The following SIGLEC15 variants were observed in gnomAD, a reference collection of about 807,000 sequenced individuals.
SIGLEC15 encodes the protein sialic acid-binding Ig-like lectin 15.
A neutral mutation model predicts 26.2 loss-of-function variants in SIGLEC15; 31 were observed. The ratio of observed to expected loss-of-function variants is 1.18; its 90% CI spans 0.89 to 1.60. The LOEUF is 1.60. Ranked by LOEUF, SIGLEC15 falls within the 40% of genes most tolerant of loss-of-function variation. The probability of loss-of-function intolerance (pLI) is 0.00; values close to 1 mark genes in which losing one functional copy is unlikely to be tolerated. For missense variants in SIGLEC15, 501 were observed against 488.4 expected, an observed-to-expected ratio of 1.03 and a Z score of -0.24; for synonymous variants, 207 against 221.9, an observed-to-expected ratio of 0.93 and a Z score of 0.60.
At chr18:45,839,244 GC>G in intron 4 of SIGLEC15, 149 bp downstream of exon 4, 2 of 1,172,130 alleles carry the variant, frequency 1.7e-6, no homozygotes, top group Non-Finnish European at 2.2e-6. Context: ...TTTGCATGAA[GC>G]CCAGCAGGTG....
intron 1 of SIGLEC15, among the ~76,000 whole-genome samples, chr18:45,836,618 G>T (rs1007221370): frequency 2.0e-5 from 3 of 152,206 alleles, no homozygotes; most frequent in African/African-American, 4.8e-5. Context: ...ACAAGGTGGG[G>T]AATGGGGAAA....
chr18:45,836,995 C>T, intron 1 of SIGLEC15, 34 bp from the exon 2 acceptor site: 1 of 1,084,366 alleles, frequency 9.2e-7, no homozygotes, highest in Non-Finnish European at 1.4e-6. Context: ...AGTTTATTCA[C>T]GTGTAACCCG....
chr18:45,825,904 G>A (rs1341167178), intron 1 of SIGLEC15, 124 bp downstream of exon 1: 2 of 1,135,952 alleles, frequency 1.8e-6, no homozygotes, highest in Non-Finnish European at 2.6e-6. Flanking sequence ...TGTGGAGGAG[G>A]AAGAGCTGCG....
chr18:45,842,442 T>TGTGTGAGAGAGAGA lies in SIGLEC15; in HGVS notation c.*256_*257insTGTGAGAGAGAGAG, dbSNP rs372465193. 2 of 308,678 alleles carry TGTGTGAGAGAGAGA rather than the reference T, an allele frequency of 6.5e-6. No homozygotes were observed. Among genetic ancestry groups the TGTGTGAGAGAGAGA allele is most frequent in the African/African-American group, 4.3e-5 (2 of 46,072 alleles). 19.1% of individuals were successfully genotyped at this position (308,678 alleles called of 1,614,324 possible). A position where few individuals can be genotyped will look rare whatever the true frequency, so the allele number is the denominator to read the frequency against. ...ATACGTCTGTGTGTGTGTGTGTGTG[T>TGTGTGAGAGAGAGA]GAGAGAGAGAGAGAGAGAGTACACG... On this transcript the variant is annotated 3_prime_UTR_variant, in exon 6 of 6. Coordinates refer to ENST00000389474, the MANE Select transcript of SIGLEC15 (RefSeq NM_213602.3).
Position 45,837,544 on chromosome 18 carries a change from G to A in SIGLEC15, c.144G>A (p.Val48=). The A allele has an allele frequency of 6.6e-7, 1 of 1,517,182 alleles. No individual in the cohort carries two copies. Among genetic ancestry groups the A allele is most frequent in the Non-Finnish European group, 8.8e-7 (1 of 1,139,990 alleles). The allele number at this position is 1,517,182 out of a possible 1,614,324, so 94.0% of individuals were successfully genotyped here. A position where few individuals can be genotyped will look rare whatever the true frequency, so the allele number is the denominator to read the frequency against. The change falls in exon 3 of 6, where the codon GTG becomes GTA. Residue 48 remains valine (V), a synonymous_variant. Coordinates refer to ENST00000389474, the MANE Select transcript of SIGLEC15 (RefSeq NM_213602.3). ...SSPAQRWSMQ[V]PPEVSAEAGD... ...CAGCGCAGCGCTGGTCCATGCAGGT[G>A]CCACCCGAGGTGAGCGCGGAGGCAG...
chr18:45,825,855 C>T (rs939367945), intron 1 of SIGLEC15, 75 bp downstream of exon 1: 2 of 1,569,688 alleles, frequency 1.3e-6, no homozygotes, highest in Non-Finnish European at 1.8e-6. Flanking sequence ...TACAGTCTCC[C>T]CTGGAAGGCA....
At chr18:45,836,585 G>A (rs1264791994) in intron 1 of SIGLEC15, among the ~76,000 whole-genome samples, 1 of 152,150 alleles carries the variant, frequency 6.6e-6, no homozygotes, top group Non-Finnish European at 1.5e-5. Context: ...CCAGACCCTG[G>A]CTCAACCACA....
At chr18:45,827,771 G>C (rs1165103095) in intron 1 of SIGLEC15, among the ~76,000 whole-genome samples, 1 of 152,212 alleles carries the variant, frequency 6.6e-6, no homozygotes, top group Admixed American at 6.5e-5. Context: ...AGAGAGCCGA[G>C]GCTTTGGGGA....
intron 2 of SIGLEC15, among the ~76,000 whole-genome samples, 157 bp downstream of exon 2, chr18:45,837,245 G>A (rs1051577135): frequency 3.9e-4 from 59 of 152,328 alleles, no homozygotes; most frequent in African/African-American, 1.1e-3. Context: ...GAAACGAAGA[G>A]GGGAATAGTC....
At chr18:45,834,961 A>T (rs2048264836) in intron 1 of SIGLEC15, among the ~76,000 whole-genome samples, 1 of 152,206 alleles carries the variant, frequency 6.6e-6, no homozygotes, top group African/African-American at 2.4e-5. Context: ...TCCTTCAGAC[A>T]GGGTTTCTCA....
chr18:45,827,083 T>C (rs899778627), intron 1 of SIGLEC15, among the ~76,000 whole-genome samples: 1 of 152,134 alleles, frequency 6.6e-6, no homozygotes, highest in African/African-American at 2.4e-5. Context: ...CCCAGCTAAT[T>C]TTTTAAATTT....
chr18:45,829,991 G>T (rs2048219696), intron 1 of SIGLEC15, among the ~76,000 whole-genome samples: 1 of 152,174 alleles, frequency 6.6e-6, no homozygotes, highest in Non-Finnish European at 1.5e-5. Context: ...TTTCCTGTCT[G>T]TGACACCCTG....
intron 1 of SIGLEC15, among the ~76,000 whole-genome samples, chr18:45,830,583 C>CTTTTTTTTTTTT (rs56404391): frequency 1.6e-4 from 15 of 96,704 alleles, no homozygotes; most frequent in Non-Finnish European, 1.7e-4. Flanking sequence ...ATTTTTCTTT[C>CTTTTTTTTTTTT]TTTTTTTTTT....
Position 45,833,218 on chromosome 18 carries a change from C to G in SIGLEC15, c.53-3811C>G, listed in dbSNP as rs2048249151. On this transcript the variant is annotated intron_variant, in intron 1 of 5. Coordinates refer to ENST00000389474, the MANE Select transcript of SIGLEC15 (RefSeq NM_213602.3). ...TTAAGCCTTGGCTCTGTGACTTCAC[C>G]AAGTTGCTGTGGTTCTGCAAACCCC... Among the ~76,000 whole-genome samples the G allele has an allele frequency of 2.0e-5, 3 of 152,264 alleles. No homozygotes were observed. The South Asian group carries it at 6.2e-4, about 32-fold the overall frequency.
At chr18:45,828,314 T>C (rs1268529815) in intron 1 of SIGLEC15, among the ~76,000 whole-genome samples, 3 of 152,280 alleles carry the variant, frequency 2.0e-5, no homozygotes, top group East Asian at 3.9e-4. Context: ...CTCCCCTTCA[T>C]GCAGGAGACC....
chr18:45,829,796 A>G (rs1232717293), intron 1 of SIGLEC15, among the ~76,000 whole-genome samples: 1 of 152,084 alleles, frequency 6.6e-6, no homozygotes, highest in Middle Eastern at 3.2e-3. Flanking sequence ...GAGGGCCACA[A>G]TGCTGTCCCT....
intron 2 of SIGLEC15, 31 bp from the exon 3 acceptor site, chr18:45,837,482 C>G: frequency 6.9e-7 from 1 of 1,448,958 alleles, no homozygotes; most frequent in East Asian, 2.7e-5. Flanking sequence ...CCCCAGGGCC[C>G]CGAGCCTGAC....
intron 1 of SIGLEC15, among the ~76,000 whole-genome samples, chr18:45,827,896 A>T (rs558847185): frequency 1.3e-5 from 2 of 152,212 alleles, no homozygotes; most frequent in African/African-American, 4.8e-5. Flanking sequence ...ATGTTCAAAA[A>T]CAAACGCCAA....
At chr18:45,827,020 T>C (rs1437973403) in intron 1 of SIGLEC15, among the ~76,000 whole-genome samples, 1 of 152,198 alleles carries the variant, frequency 6.6e-6, no homozygotes, top group Non-Finnish European at 1.5e-5. Flanking sequence ...GTTCAAGTGA[T>C]TCTTGTGCCT....
Sources: allele counts gnomAD v4.1 joint callset (sites outside exome capture counted in the v4.1 genomes callset), GRCh38; gene constraint gnomAD v4.1.1; transcripts MANE v1.5; gene names NCBI Gene and HGNC (gene_info 2026-07-23, HGNC 2026-07-21).